The following MAP4K4 variants were observed in gnomAD, a reference collection of about 807,000 sequenced individuals.
The protein encoded by MAP4K4 is HPK/GCK-like kinase HGK.
A neutral mutation model predicts 189.6 loss-of-function variants in MAP4K4; 38 were observed. That is an observed-to-expected ratio of 0.20 (90% confidence interval 0.15 to 0.26). The LOEUF (loss-of-function observed/expected upper bound fraction) is 0.26, where lower values mean the gene tolerates loss of function less well. Ranked by LOEUF, MAP4K4 falls within the 10% of genes least tolerant of loss-of-function variation. MAP4K4 has a pLI of 1.00. For missense variants in MAP4K4, 1,054 were observed against 1,726.9 expected (o/e 0.61, Z 6.91); for synonymous variants, 610 against 624.3 (o/e 0.98, Z 0.34).
intron 2 of MAP4K4, among the ~76,000 whole-genome samples, chr2:101,725,631 C>T (rs189448006): frequency 6.6e-6 from 1 of 152,246 alleles, no homozygotes; most frequent in East Asian, 1.9e-4. Flanking sequence ...AGTGGAATGT[C>T]ATGATGGCCA....
chr2:101,823,086 C>G (rs1462333829), intron 3 of MAP4K4, among the ~76,000 whole-genome samples: 1 of 152,160 alleles, frequency 6.6e-6, no homozygotes, highest in Non-Finnish European at 1.5e-5. Context: ...GGCTGGTGTG[C>G]ACAGCGTCTT....
intron 12 of MAP4K4, among the ~76,000 whole-genome samples, chr2:101,853,693 G>GGCACATACATTATCGTGTATGT (rs1277622032): frequency 2.4e-4 from 37 of 151,940 alleles, no homozygotes; most frequent in African/African-American, 8.2e-4. Context: ...CTCACACAAA[G>GGCACATACATTATCGTGTATGT]GCACATACAT....
intron 3 of MAP4K4, among the ~76,000 whole-genome samples, chr2:101,807,349 G>A (rs1157215433): frequency 6.6e-6 from 1 of 152,078 alleles, no homozygotes; most frequent in Non-Finnish European, 1.5e-5. Context: ...TTATAGGTAT[G>A]AGCCACTGCT....
intron 2 of MAP4K4, among the ~76,000 whole-genome samples, chr2:101,743,528 C>T (rs555041861): frequency 6.6e-6 from 1 of 152,254 alleles, no homozygotes; most frequent in East Asian, 1.9e-4. Context: ...TTCATGGGCA[C>T]TTGCCTTTCA....
chr2:101,885,248 G>T (rs373732843), exon 29 of MAP4K4: 1 of 1,605,334 alleles, frequency 6.2e-7, no homozygotes, highest in Non-Finnish European at 8.5e-7. Flanking sequence ...AAGTCTATGC[G>T]TGGGCACCAA....
intron 5 of MAP4K4, among the ~76,000 whole-genome samples, chr2:101,827,668 C>T (rs2096421084): frequency 6.6e-6 from 1 of 152,202 alleles, no homozygotes; most frequent in South Asian, 2.1e-4. Flanking sequence ...GGAGCCTGCA[C>T]ACTGTTACCC....
At chr2:101,707,792 G>T (rs893792206) in intron 2 of MAP4K4, among the ~76,000 whole-genome samples, 2 of 150,120 alleles carry the variant, frequency 1.3e-5, no homozygotes, top group African/African-American at 2.5e-5. Context: ...CCGGGTTCAC[G>T]CCATTCTCCT....
chr2:101,754,053 T>TGTTA (rs2070810807), intron 2 of MAP4K4, among the ~76,000 whole-genome samples: 1 of 152,186 alleles, frequency 6.6e-6, no homozygotes, highest in Non-Finnish European at 1.5e-5. Context: ...TCTTTCTTTC[T>TGTTA]GTTAACTGCA....
chr2:101,734,434 C>A (rs1010629683), intron 2 of MAP4K4, among the ~76,000 whole-genome samples: 1 of 152,100 alleles, frequency 6.6e-6, no homozygotes, highest in Non-Finnish European at 1.5e-5. Context: ...GTATGGATAT[C>A]AGGTAGTTTA....
intron 3 of MAP4K4, among the ~76,000 whole-genome samples, chr2:101,802,328 C>G (rs1188824847): frequency 6.6e-6 from 1 of 152,206 alleles, no homozygotes; most frequent in African/African-American, 2.4e-5. Flanking sequence ...TAGCAGCTGA[C>G]TGAAGCTTGG....
At chr2:101,748,062 G>A (rs2066568014) in intron 2 of MAP4K4, among the ~76,000 whole-genome samples, 1 of 152,138 alleles carries the variant, frequency 6.6e-6, no homozygotes, top group South Asian at 2.1e-4. Flanking sequence ...ATTGTAGTCT[G>A]TTTTCTATAT....
At chr2:101,820,063 G>A (rs982071832) in intron 3 of MAP4K4, among the ~76,000 whole-genome samples, 3 of 152,152 alleles carry the variant, frequency 2.0e-5, no homozygotes, top group Admixed American at 6.6e-5. Flanking sequence ...TGAAAATATC[G>A]AGTGCTCTTG....
exon 15 of MAP4K4, chr2:101,859,826 C>A: frequency 1.9e-6 from 3 of 1,610,020 alleles, no homozygotes; most frequent in Non-Finnish European, 2.5e-6. Context: ...TGCTCCCGAG[C>A]CCAAAGCCCA....
chr2:101,797,435 G>A (rs1181024343), intron 3 of MAP4K4: 9 of 1,250,852 alleles, frequency 7.2e-6, no homozygotes, highest in Admixed American at 2.4e-5. Context: ...CTCCTGCACC[G>A]CCCCCTCCCT....
At chr2:101,733,814 C>T (rs575650883) in intron 2 of MAP4K4, among the ~76,000 whole-genome samples, 1 of 152,294 alleles carries the variant, frequency 6.6e-6, no homozygotes, top group African/African-American at 2.4e-5. Context: ...TGTCAGGTCC[C>T]GTTACAGGAA....
intron 2 of MAP4K4, among the ~76,000 whole-genome samples, chr2:101,767,912 T>C (rs942004244): frequency 3.9e-5 from 6 of 152,248 alleles, no homozygotes; most frequent in African/African-American, 1.2e-4. Flanking sequence ...CCCCTTACTT[T>C]TCCACAAATG....
chr2:101,817,150 A>G (rs897436355), intron 3 of MAP4K4, among the ~76,000 whole-genome samples: 3 of 152,104 alleles, frequency 2.0e-5, no homozygotes, highest in African/African-American at 4.8e-5. Flanking sequence ...TTTCAAGTAT[A>G]TTATTGAAGA....
chr2:101,848,692 G>T (rs1167585151), intron 12 of MAP4K4, among the ~76,000 whole-genome samples: 1 of 152,004 alleles, frequency 6.6e-6, no homozygotes, highest in East Asian at 1.9e-4. Flanking sequence ...GCCCTTCATA[G>T]GTCCTTCATC....
intron 2 of MAP4K4, among the ~76,000 whole-genome samples, chr2:101,728,540 C>T (rs993310881): frequency 6.6e-6 from 1 of 152,002 alleles, no homozygotes; most frequent in African/African-American, 2.4e-5. Context: ...GAGATGGAGT[C>T]TCGCTCTGTC....
Sources: gnomAD v4.1 joint callset for allele counts (sites outside exome capture counted in the v4.1 genomes callset) on GRCh38, gnomAD v4.1.1 for gene constraint, MANE v1.5 for transcripts, NCBI Gene and HGNC (gene_info 2026-07-23, HGNC 2026-07-21) for gene names.